AFMID: variants seen among roughly 807,000 people sequenced by gnomAD.
AFMID encodes kynurenine formamidase.
AFMID carries 39 observed loss-of-function variants against 47.5 expected under a neutral mutation model. The observed-to-expected ratio is 0.82, with a 90% confidence interval of 0.64 to 1.07. The LOEUF (loss-of-function observed/expected upper bound fraction) is 1.07, where lower values mean the gene tolerates loss of function less well. AFMID is among the 50% of genes least tolerant of loss of function. AFMID has a pLI of 0.00. For synonymous variants in AFMID, 130 were observed against 153.2 expected (o/e 0.85, Z 1.12); for missense variants, 375 against 387.5 (o/e 0.97, Z 0.27).
chr17:78,191,365 G>A (rs2075964267), intron 2 of AFMID, among the ~76,000 whole-genome samples: 2 of 152,162 alleles, frequency 1.3e-5, no homozygotes, highest in South Asian at 4.1e-4. Flanking sequence ...GCATAGGGAG[G>A]TGAAGTGAAC....
At chr17:78,201,976 C>A (rs1387588680) in intron 2 of AFMID, among the ~76,000 whole-genome samples, 1 of 151,744 alleles carries the variant, frequency 6.6e-6, no homozygotes, top group African/African-American at 2.4e-5. Context: ...GTGATCCACC[C>A]GCCTCGGCCT....
Position 78,206,029 on chromosome 17 carries a change from G to C in AFMID, c.864G>C (p.Gln288His), listed in dbSNP as rs951882583. ...DHFEIVENLT[Q>H]KDNVLTQIIL... ...TTGAAATTGTTGAGAATCTGACCCA[G>C]AAGGACAACGTGCTCACCCAGGTGG... is the stretch of plus-strand genomic sequence containing the variant. The change falls in exon 10 of 11, where the codon CAG (glutamine) becomes CAC (histidine). Residue 288 changes from glutamine to histidine, a missense_variant. Coordinates refer to ENST00000409257, the MANE Select transcript of AFMID (RefSeq NM_001010982.5). 1.9e-6 allele frequency: 3 copies of C among 1,614,044 alleles called. No individual in the cohort carries two copies. In the African/African-American group the frequency reaches 4.0e-5, roughly 22 times the overall value.
intron 2 of AFMID, among the ~76,000 whole-genome samples, chr17:78,194,123 T>C (rs75692655): frequency 6.8e-6 from 1 of 148,142 alleles, no homozygotes. Context: ...TTTTTTTTTT[T>C]TCTTTGAGAC....
Position 78,191,185 on chromosome 17 carries a change from C to T in AFMID, c.154+125C>T, listed in dbSNP as rs1199845087. The T allele has an allele frequency of 3.8e-6, 3 of 798,520 alleles. No individual in the cohort carries two copies. In the South Asian group the frequency reaches 4.8e-5, roughly 13 times the overall value. The allele number at this position is 798,520 out of a possible 1,614,324, so 49.5% of individuals were successfully genotyped here. On this transcript the variant is annotated intron_variant, in intron 2 of 10. Transcript: ENST00000409257. Reference sequence around the variant, plus strand: ...GCCTCGAGGGGCATTTCCCAAACACCAGGCACTTTATAAACCTCCCTGCTC... The same window carrying T: ...GCCTCGAGGGGCATTTCCCAAACACTAGGCACTTTATAAACCTCCCTGCTC...
chr17:78,202,413 A>G, intron 2 of AFMID, 86 bp from the exon 3 acceptor site: 2 of 1,339,832 alleles, frequency 1.5e-6, no homozygotes, highest in Middle Eastern at 3.7e-4. Flanking sequence ...TGGGCAACAG[A>G]GTGAGACTTC....
chr17:78,196,729 G>T (rs1321235994), intron 2 of AFMID, among the ~76,000 whole-genome samples: 1 of 152,048 alleles, frequency 6.6e-6, no homozygotes, highest in East Asian at 1.9e-4. Context: ...TTGAAAACAG[G>T]TACTCAAACA....
At chr17:78,197,194 C>G in intron 2 of AFMID, 1 of 1,550,808 alleles carries the variant, frequency 6.4e-7, no homozygotes, top group Non-Finnish European at 8.7e-7. Flanking sequence ...GATGAAGCCA[C>G]TCCGATGAGC....
In AFMID at chr17:78,204,871, G is replaced by A. The variant is rs746788138; in HGVS notation, c.438G>A (p.Ala146=). The change falls in exon 6 of 11, where the codon GCG becomes GCA. Residue 146 remains alanine, a synonymous_variant. Transcript: ENST00000409257. ...HMVDQVTRSV[A]FVQKRYPSNK... is the part of the protein sequence containing the mutation. ...TAGACCAGGTGACCCGCAGCGTTGC[G>A]TTTGTCCAGAAGCGGTATCCAAGCA... 114 of 1,614,098 alleles carry A rather than the reference G, an allele frequency of 7.1e-5. No individual in the cohort carries two copies. The highest frequency in any genetic ancestry group is 2.3e-4 in the African/African-American group (17 of 74,938).
chr17:78,187,471 G>A (rs1334679494), intron 1 of AFMID, 38 bp downstream of exon 1: 7 of 1,608,964 alleles, frequency 4.4e-6, no homozygotes, highest in African/African-American at 4.0e-5. Flanking sequence ...GGGCTGGGGC[G>A]GAGTTAGCTC....
intron 2 of AFMID, among the ~76,000 whole-genome samples, chr17:78,202,258 AATATAT>A (rs542326531): frequency 6.8e-6 from 1 of 147,350 alleles, no homozygotes; most frequent in Admixed American, 6.8e-5. Flanking sequence ...TCTACTAAAA[AATATAT>A]ATATATATAT....
intron 1 of AFMID, among the ~76,000 whole-genome samples, chr17:78,187,933 G>T (rs1273801517): frequency 1.5e-5 from 2 of 134,118 alleles, no homozygotes; most frequent in Non-Finnish European, 3.0e-5. Flanking sequence ...AGCCTGGAAG[G>T]CTGGGCGATA....
chr17:78,205,354 G>C (rs2076350859), intron 7 of AFMID, 86 bp from the exon 8 acceptor site: 1 of 1,514,410 alleles, frequency 6.6e-7, no homozygotes, highest in Non-Finnish European at 9.2e-7. Flanking sequence ...CCTTCCCCTG[G>C]TCCTGCCCCT....
At chr17:78,203,694 C>G (rs1252693761) in intron 4 of AFMID, 1 of 152,094 alleles carries the variant, frequency 6.6e-6, no homozygotes, top group Non-Finnish European at 1.5e-5. Context: ...TAGGGTCTTC[C>G]TACAGAGTTG....
rs752109430 is a variant in AFMID at position 78,202,700 on chromosome 17, C to T, written c.260-3C>T. On this transcript the variant is annotated splice_polypyrimidine_tract_variant and splice_region_variant and intron_variant, in intron 3 of 10. Transcript: ENST00000409257. Reference sequence around the variant, plus strand: ...CTCACACGCCCTGTGCTTGGTTTTGCAGCCTTGCCTTTCTTCCTGTTCTTT... The same window carrying T: ...CTCACACGCCCTGTGCTTGGTTTTGTAGCCTTGCCTTTCTTCCTGTTCTTT... 3 of 1,561,176 alleles carry T rather than the reference C, an allele frequency of 1.9e-6. No individual in the cohort carries two copies. Among genetic ancestry groups the T allele is most frequent in the East Asian group, 4.8e-5 (2 of 42,070 alleles).
At chr17:78,190,282 C>T (rs930841070) in intron 1 of AFMID, among the ~76,000 whole-genome samples, 1 of 152,192 alleles carries the variant, frequency 6.6e-6, no homozygotes, top group Non-Finnish European at 1.5e-5. Context: ...AGCCATAGGG[C>T]CTGCCAGCAT....
chr17:78,205,423 A>C lies in AFMID; in HGVS notation c.566-17A>C, dbSNP rs1048685972. On this transcript the variant is annotated splice_polypyrimidine_tract_variant and intron_variant, in intron 7 of 10. Coordinates refer to ENST00000409257, the MANE Select transcript of AFMID (RefSeq NM_001010982.5). ...CCGCCTGGAGCCTGGCCCTGTGACA[A>C]TTCTGTACCTTCACAGGCTTTTTCC... is the stretch of plus-strand genomic sequence containing the variant. The C allele has an allele frequency of 2.0e-5, 32 of 1,613,600 alleles. No individual in the cohort carries two copies. The highest frequency in any genetic ancestry group is 2.6e-5 in the Non-Finnish European group (31 of 1,179,658).
intron 10 of AFMID, among the ~76,000 whole-genome samples, chr17:78,206,627 C>T (rs1006297479): frequency 1.7e-5 from 2 of 116,648 alleles, no homozygotes; most frequent in African/African-American, 7.6e-5. Context: ...GGCTGGTCGT[C>T]GTCGTCTTCC....
intron 2 of AFMID, chr17:78,197,077 C>A: frequency 1.5e-6 from 2 of 1,371,234 alleles, no homozygotes; most frequent in Non-Finnish European, 2.0e-6. Context: ...AATGGCCATT[C>A]CACTTAGAAC....
intron 2 of AFMID, among the ~76,000 whole-genome samples, chr17:78,199,292 C>T (rs1279924574): frequency 6.6e-6 from 1 of 152,210 alleles, no homozygotes; most frequent in African/African-American, 2.4e-5. Flanking sequence ...GCTCTCAGCC[C>T]CATGCTTTTT....
Sources: gnomAD v4.1 joint callset for allele counts (sites outside exome capture counted in the v4.1 genomes callset) on GRCh38, gnomAD v4.1.1 for gene constraint, MANE v1.5 for transcripts, NCBI Gene and HGNC (gene_info 2026-07-23, HGNC 2026-07-21) for gene names.